Variants in OLFM2 observed in about 807,000 individuals in gnomAD.
The protein encoded by OLFM2 is olfactomedin 2.
OLFM2 carries 20 observed loss-of-function variants against 43.9 expected under a neutral mutation model. The observed-to-expected ratio is 0.46, with a 90% CI of 0.32 to 0.66. The LOEUF (loss-of-function observed/expected upper bound fraction) is 0.66. OLFM2 is among the 30% of genes least tolerant of loss of function. OLFM2 has a pLI of 0.04. For missense variants in OLFM2, 416 were observed against 643.6 expected, an observed-to-expected ratio of 0.65 and a Z score of 3.83; for synonymous variants, 268 against 278.6, an observed-to-expected ratio of 0.96 and a Z score of 0.38.
At chr19:9,930,846 C>G (rs2086477925) in intron 1 of OLFM2, among the ~76,000 whole-genome samples, 1 of 151,830 alleles carries the variant, frequency 6.6e-6, no homozygotes, top group Non-Finnish European at 1.5e-5. Context: ...CAGCAAGACT[C>G]TGTTTCAAAT....
intron 1 of OLFM2, among the ~76,000 whole-genome samples, chr19:9,908,903 G>C (rs760155385): frequency 1.3e-5 from 2 of 152,042 alleles, no homozygotes; most frequent in Non-Finnish European, 2.9e-5. Context: ...TTGGGGTTTT[G>C]CTATGTTGTC....
rs2086513599 is a variant in OLFM2, at chr19:9,936,175, C to T, written c.63+129G>A. On this transcript the variant is annotated intron_variant, in intron 1 of 5. Coordinates refer to ENST00000264833, the MANE Select transcript of OLFM2 (RefSeq NM_058164.4). ...GTCCCGGCCCCTCCCCCGCTGCGACCCCCGCCCCTCGCCGCCCTGCAGCTG... is the reference window on the plus strand; with the variant it reads ...GTCCCGGCCCCTCCCCCGCTGCGACTCCCGCCCCTCGCCGCCCTGCAGCTG... The T allele has an allele frequency of 2.9e-6, 3 of 1,035,574 alleles. No individual in the cohort carries two copies. In the South Asian group the frequency reaches 4.4e-5, roughly 15 times the overall value. The allele number at this position is 1,035,574 out of a possible 1,614,324, so 64.1% of individuals were successfully genotyped here.
At chr19:9,925,521 G>T (rs201370053) in intron 1 of OLFM2, among the ~76,000 whole-genome samples, 1 of 151,822 alleles carries the variant, frequency 6.6e-6, no homozygotes, top group Non-Finnish European at 1.5e-5. Flanking sequence ...CAATCATGGC[G>T]CACTGCAGCC....
At chr19:9,876,157 C>T (rs575273150) in intron 1 of OLFM2, among the ~76,000 whole-genome samples, 32 of 152,266 alleles carry the variant, frequency 2.1e-4, no homozygotes, top group Non-Finnish European at 2.8e-4. Context: ...CTTCAACTTA[C>T]AGGAATTCAA....
intron 1 of OLFM2, among the ~76,000 whole-genome samples, chr19:9,892,250 C>A (rs781084936): frequency 3.3e-5 from 5 of 151,954 alleles, no homozygotes; most frequent in Non-Finnish European, 7.4e-5. Flanking sequence ...ATATGTGATA[C>A]CCTGGGTGTG....
intron 1 of OLFM2, among the ~76,000 whole-genome samples, chr19:9,911,230 T>C (rs946583784): frequency 3.9e-5 from 6 of 152,178 alleles, no homozygotes; most frequent in Non-Finnish European, 1.5e-5. Flanking sequence ...GGACAAAATC[T>C]AGATTCCAAC....
At chr19:9,860,897 T>C in intron 1 of OLFM2, 103 bp from the exon 2 acceptor site, 1 of 1,240,412 alleles carries the variant, frequency 8.1e-7, no homozygotes, top group Non-Finnish European at 1.1e-6. Context: ...TGCCCTTTGC[T>C]GGGCTCCGGG....
At chr19:9,881,860 A>G (rs1031573038) in intron 1 of OLFM2, among the ~76,000 whole-genome samples, 2 of 152,010 alleles carry the variant, frequency 1.3e-5, no homozygotes, top group African/African-American at 4.8e-5. Flanking sequence ...CAAAGGCCTC[A>G]TTTTAATTTA....
At chr19:9,914,350 C>T (rs1230117140) in intron 1 of OLFM2, among the ~76,000 whole-genome samples, 2 of 152,134 alleles carry the variant, frequency 1.3e-5, no homozygotes, top group African/African-American at 2.4e-5. Flanking sequence ...CACCAAGGGT[C>T]TCCTTTAGCT....
At chr19:9,904,555 C>T (rs2046769199) in intron 1 of OLFM2, among the ~76,000 whole-genome samples, 1 of 151,890 alleles carries the variant, frequency 6.6e-6, no homozygotes, top group African/African-American at 2.4e-5. Flanking sequence ...AACACTTTCC[C>T]TCAGCACTGG....
rs200863855 is a variant in OLFM2 at position 9,854,341 on chromosome 19, C to T, written c.1210G>A (p.Glu404Lys). 2.5e-6 allele frequency: 4 copies of T among 1,614,158 alleles called. No homozygotes were observed. The highest frequency in any genetic ancestry group is 2.2e-5 in the East Asian group (1 of 44,876). Residue 404 changes from glutamate (E) to lysine (K), a missense_variant, in exon 6 of 6, where the codon GAG (glutamate) becomes AAG (lysine). Coordinates refer to ENST00000264833, the MANE Select transcript of OLFM2 (RefSeq NM_058164.4). The surrounding 1 kb of genome is among the most constrained non-coding windows in gnomAD (Gnocchi z 9.5). ...FAYFTNTSSY[E>K]YTDVPFHNQY... is the part of the protein sequence containing the mutation. Reference sequence around the variant, plus strand: ...TTGTGGAAGGGCACGTCCGTGTACTCGTAACTGGACGTGTTGGTAAAATAG... The same window carrying T: ...TTGTGGAAGGGCACGTCCGTGTACTTGTAACTGGACGTGTTGGTAAAATAG...
Position 9,860,780 on chromosome 19 carries a change from G to C in OLFM2, c.78C>G (p.Asn26Lys), listed in dbSNP as rs749664320. 6.2e-7 allele frequency: 1 copy of C among 1,607,748 alleles called. No homozygotes were observed. Among genetic ancestry groups the C allele is most frequent in the Non-Finnish European group, 8.5e-7 (1 of 1,178,344 alleles). ...SGLAGQTLFQ[N>K]PEEGWQLYTS... ...TGTACAGCTGCCAGCCCTCTTCTGG[G>C]TTCTGGAAGAGAGTCTGCAAAGAGG... Residue 26 changes from asparagine (N) to lysine (K), a missense_variant, in exon 2 of 6, where the codon AAC becomes AAG. Asn to Lys is a moderately conservative substitution (Grantham distance 94, BLOSUM62 0). Coordinates refer to ENST00000264833, the MANE Select transcript of OLFM2 (RefSeq NM_058164.4).
chr19:9,872,531 A>AG (rs34595455), intron 1 of OLFM2, among the ~76,000 whole-genome samples: 145,993 of 150,662 alleles, frequency 0.97, 71,022 homozygotes, highest in Non-Finnish European at 0.99. Flanking sequence ...AAAAAAAAAA[A>AG]ATATTAGTTC....
intron 1 of OLFM2, among the ~76,000 whole-genome samples, chr19:9,915,305 G>A (rs2046866505): frequency 6.8e-6 from 1 of 147,608 alleles, no homozygotes; most frequent in African/African-American, 2.5e-5. Flanking sequence ...TCGAACCCCT[G>A]GCCTCAATCG....
At chr19:9,898,868 G>A (rs775848616) in intron 1 of OLFM2, among the ~76,000 whole-genome samples, 9 of 152,102 alleles carry the variant, frequency 5.9e-5, no homozygotes, top group Non-Finnish European at 8.8e-5. Flanking sequence ...GGGCTTGCTC[G>A]GTCCTTCTGA....
At chr19:9,917,979 A>C (rs1324538068) in intron 1 of OLFM2, among the ~76,000 whole-genome samples, 1 of 149,424 alleles carries the variant, frequency 6.7e-6, no homozygotes, top group Non-Finnish European at 1.5e-5. Flanking sequence ...CCTGGGTTCG[A>C]GTAATTCTCG....
intron 1 of OLFM2, among the ~76,000 whole-genome samples, chr19:9,926,508 CG>C (rs1324177812): frequency 2.0e-5 from 3 of 148,926 alleles, no homozygotes; most frequent in African/African-American, 7.4e-5. Context: ...GCTGAGATCG[CG>C]CCACTGCACT....
intron 1 of OLFM2, among the ~76,000 whole-genome samples, chr19:9,878,244 A>G (rs1423924823): frequency 6.6e-6 from 1 of 152,142 alleles, no homozygotes; most frequent in Non-Finnish European, 1.5e-5. Context: ...GTGTGACAGA[A>G]TTGCCTATGG....
intron 1 of OLFM2, among the ~76,000 whole-genome samples, chr19:9,888,327 AG>A (rs1409979681): frequency 6.6e-6 from 1 of 151,952 alleles, no homozygotes; most frequent in Non-Finnish European, 1.5e-5. Context: ...GTTCGAGACC[AG>A]CCTGGCTAAC....
Sources: gnomAD v4.1 joint callset for allele counts (sites outside exome capture counted in the v4.1 genomes callset) on GRCh38, gnomAD v4.1.1 for gene constraint, Gnocchi (gnomAD v3.1) non-coding constraint, MANE v1.5 for transcripts, NCBI Gene and HGNC (gene_info 2026-07-23, HGNC 2026-07-21) for gene names.